The following FOCAD variants were observed in gnomAD, a reference collection of about 807,000 sequenced individuals.
FOCAD encodes the protein focadhesin.
In FOCAD, 198 loss-of-function variants were observed where a neutral mutation model predicts 225.6. The observed-to-expected ratio is 0.88, with a 90% confidence interval of 0.78 to 0.99. FOCAD has a LOEUF of 0.99. FOCAD is among the 50% of genes least tolerant of loss of function. The pLI, the probability that FOCAD is intolerant of heterozygous loss-of-function variation, is 0.00. For synonymous variants in FOCAD, 897 were observed against 755.0 expected (o/e 1.19, Z -3.08); for missense variants, 2,713 against 2,123.6 (o/e 1.28, Z -5.46).
At chr9:20,870,383 T>A (rs147383559) in intron 18 of FOCAD, among the ~76,000 whole-genome samples, 9 of 152,256 alleles carry the variant, frequency 5.9e-5, no homozygotes, top group South Asian at 2.1e-4. Flanking sequence ...TTTCCATAGG[T>A]TACAGACACA....
Position 20,949,591 on chromosome 9 carries a change from CTTA to C in FOCAD, c.3877-10_3877-8del. ...GGGGTGGGTGGGATGGGTATTTCTT[CTTA>C]TTCTTTCAGCTGAAATCAGAAGCCA... On this transcript the variant is annotated splice_polypyrimidine_tract_variant and intron_variant, in intron 32 of 43. Transcript: ENST00000338382. The C allele has an allele frequency of 6.2e-7, 1 of 1,611,968 alleles. No homozygotes were observed. The highest frequency in any genetic ancestry group is 8.5e-7 in the Non-Finnish European group (1 of 1,178,468).
At chr9:20,924,645 G>C (rs1384550780) in intron 25 of FOCAD, among the ~76,000 whole-genome samples, 1 of 151,724 alleles carries the variant, frequency 6.6e-6, no homozygotes, top group African/African-American at 2.4e-5. Context: ...TTCTTTTTTT[G>C]TTGTTGTGGG....
At chr9:20,684,104 G>A (rs375131162), upstream of FOCAD, 1 of 152,314 alleles carries the variant, frequency 6.6e-6, no homozygotes, top group Non-Finnish European at 1.5e-5. Context: ...ACCGCAGTGC[G>A]CGGCCCGGGC....
chr9:20,871,519 C>T (rs907717057), intron 18 of FOCAD, among the ~76,000 whole-genome samples: 2 of 151,290 alleles, frequency 1.3e-5, no homozygotes, highest in African/African-American at 4.9e-5. Context: ...TTGCACACAA[C>T]CAGGGGGAAA....
intron 21 of FOCAD, among the ~76,000 whole-genome samples, chr9:20,904,959 A>T (rs1832838982): frequency 6.6e-6 from 1 of 152,092 alleles, no homozygotes; most frequent in Non-Finnish European, 1.5e-5. Context: ...TTGAAATAGC[A>T]TTCTAAAATG....
At chr9:20,722,641 C>A (rs568208407) in intron 4 of FOCAD, among the ~76,000 whole-genome samples, 1 of 152,180 alleles carries the variant, frequency 6.6e-6, no homozygotes, top group Non-Finnish European at 1.5e-5. Flanking sequence ...TGTTTCTACA[C>A]GCATTCACAT....
intron 15 of FOCAD, among the ~76,000 whole-genome samples, chr9:20,844,391 C>T (rs1033296507): frequency 3.6e-5 from 4 of 110,334 alleles, no homozygotes; most frequent in African/African-American, 1.4e-4. Flanking sequence ...GACAGAGTCT[C>T]ACTGTGTCAC....
chr9:20,735,229 CT>C (rs1827049407), intron 4 of FOCAD, among the ~76,000 whole-genome samples: 1 of 152,088 alleles, frequency 6.6e-6, no homozygotes, highest in Admixed American at 6.6e-5. Context: ...CTTAGACTCT[CT>C]CTTAACTTTG....
intron 1 of FOCAD, among the ~76,000 whole-genome samples, chr9:20,687,258 C>T (rs1349461615): frequency 6.6e-6 from 1 of 152,112 alleles, no homozygotes; most frequent in Non-Finnish European, 1.5e-5. Flanking sequence ...AAAGATTTAT[C>T]TTTTTACTTG....
At chr9:20,792,132 T>C (rs1820600897) in intron 11 of FOCAD, among the ~76,000 whole-genome samples, 1 of 152,202 alleles carries the variant, frequency 6.6e-6, no homozygotes, top group Admixed American at 6.5e-5. Context: ...TTTATTGTTT[T>C]GGAAATCAAG....
At chr9:20,725,302 A>T (rs1826103920) in intron 4 of FOCAD, among the ~76,000 whole-genome samples, 1 of 152,190 alleles carries the variant, frequency 6.6e-6, no homozygotes, top group South Asian at 2.1e-4. Flanking sequence ...GTTTATTGGA[A>T]TCTAAAGGCA....
At chr9:20,972,935 C>T (rs1839889283) in intron 35 of FOCAD, among the ~76,000 whole-genome samples, 1 of 151,874 alleles carries the variant, frequency 6.6e-6, no homozygotes, top group Admixed American at 6.6e-5. Context: ...GTGGCCACTG[C>T]TCCTTGTTCC....
chr9:20,690,693 A>G lies in FOCAD; in HGVS notation c.-33+6400A>G, dbSNP rs544921959. On this transcript the variant is annotated intron_variant, in intron 1 of 43. Transcript: ENST00000338382. The stretch of plus-strand genomic sequence containing the variant: ...CTCCTGAGTAGCTAGGACTGCAGAT[A>G]TGTGCCACCATACCTGGCTAATTTT... Among the ~76,000 whole-genome samples the G allele has an allele frequency of 5.3e-5, 8 of 152,062 alleles. No individual in the cohort carries two copies. The South Asian group carries it at 1.2e-3, about 24-fold the overall frequency.
chr9:20,673,471 C>T (rs1434316719), intron 2 of FOCAD, among the ~76,000 whole-genome samples: 1 of 152,132 alleles, frequency 6.6e-6, no homozygotes, highest in Non-Finnish European at 1.5e-5. Flanking sequence ...TGGTATCTAA[C>T]TGTGGCTTTG....
intron 15 of FOCAD, among the ~76,000 whole-genome samples, chr9:20,854,155 G>C (rs1476350706): frequency 6.6e-6 from 1 of 151,634 alleles, no homozygotes; most frequent in South Asian, 2.1e-4. Context: ...CAGGACAAAA[G>C]GAGTAGGCTG....
rs140393666 is a variant in FOCAD at position 20,867,170 on chromosome 9, G to A, written c.2190+158G>A. On this transcript the variant is annotated intron_variant, in intron 18 of 43. Coordinates refer to ENST00000338382, the MANE Select transcript of FOCAD (RefSeq NM_001375567.1). The stretch of plus-strand genomic sequence containing the variant: ...ATTCATACCCATTATTTGTTTATAT[G>A]TAAAAGACTGTAGAGGTTTGAAGCA... Among the ~76,000 whole-genome samples the A allele has an allele frequency of 2.2e-3, 339 of 151,936 alleles. 9 individuals are homozygous for A. The East Asian group carries it at 0.044, about 20-fold the overall frequency.
intron 21 of FOCAD, among the ~76,000 whole-genome samples, chr9:20,906,086 G>C (rs1832950687): frequency 6.6e-6 from 1 of 151,888 alleles, no homozygotes; most frequent in Admixed American, 6.6e-5. Flanking sequence ...GACACAGACT[G>C]ATTGATAATC....
At chr9:20,962,933 C>T (rs1443559211) in intron 35 of FOCAD, among the ~76,000 whole-genome samples, 1 of 152,130 alleles carries the variant, frequency 6.6e-6, no homozygotes. Flanking sequence ...GATGTGGATT[C>T]TTTTATCCAG....
At chr9:20,694,590 A>G (rs1326882300) in intron 1 of FOCAD, 1 of 152,192 alleles carries the variant, frequency 6.6e-6, no homozygotes, top group Non-Finnish European at 1.5e-5. Context: ...AACAGTTCAC[A>G]TTGCAATCTT....
Sources: gnomAD v4.1 joint callset for allele counts (sites outside exome capture counted in the v4.1 genomes callset) on GRCh38, gnomAD v4.1.1 for gene constraint, MANE v1.5 for transcripts, NCBI Gene and HGNC (gene_info 2026-07-23, HGNC 2026-07-21) for gene names.